The following FGA variants were observed in gnomAD, a reference collection of about 807,000 sequenced individuals.
FGA encodes fibrinogen, A alpha polypeptide.
In FGA, 20 loss-of-function variants were observed where a neutral mutation model predicts 20.3. The ratio of observed to expected loss-of-function variants is 0.99; its 90% confidence interval spans 0.69 to 1.43. FGA has a LOEUF of 1.43. Among genes scored for constraint, FGA ranks in the 40% most tolerant of loss-of-function variants. The pLI is 0.00. For synonymous variants in FGA, 306 were observed against 281.6 expected (o/e 1.09, Z -0.87); for missense variants, 777 against 784.7 (o/e 0.99, Z 0.12).
intron 4 of FGA, among the ~76,000 whole-genome samples, chr4:154,587,255 G>A (rs760281861): frequency 6.6e-6 from 1 of 152,194 alleles, no homozygotes; most frequent in East Asian, 1.9e-4. Flanking sequence ...GTGTGGTGAT[G>A]TAATGGGCTT....
chr4:154,584,809 T>G, downstream of FGA: 1 of 1,613,716 alleles, frequency 6.2e-7, no homozygotes, highest in Non-Finnish European at 8.5e-7. Flanking sequence ...ACCTGAAGGA[T>G]GTGTTTGGAG....
At chr4:154,587,763 G>GAAAGAAAA in intron 3 of FGA, 106 bp from the exon 4 acceptor site, 1 of 608,568 alleles carries the variant, frequency 1.6e-6, no homozygotes, top group Admixed American at 3.0e-5. Flanking sequence ...AAGAAAGAAA[G>GAAAGAAAA]AAAGAAAGAA....
intron 1 of FGA, 65 bp from the exon 2 acceptor site, chr4:154,589,627 T>C: frequency 6.3e-7 from 1 of 1,577,200 alleles, no homozygotes; most frequent in Non-Finnish European, 8.6e-7. Flanking sequence ...GAGGAGACAG[T>C]GGCATGCCTA....
At chr4:154,584,090 G>GAAGACAGAGTGCTCCCATTCCCACTTCT, downstream of FGA, 2 of 1,485,050 alleles carry the variant, frequency 1.3e-6, no homozygotes, top group Non-Finnish European at 1.8e-6. Context: ...CTCTAGCAAA[G>GAAGACAGAGTGCTCCCATTCCCACTTCT]AAGACAGAGT....
At chr4:154,584,101 G>GCTCCCATTCCCACTTCGAAGACAGAGTA, downstream of FGA, 1 of 1,557,560 alleles carries the variant, frequency 6.4e-7, no homozygotes. Context: ...AAGACAGAGT[G>GCTCCCATTCCCACTTCGAAGACAGAGTA]CTCCCATTCC....
intron 1 of FGA, among the ~76,000 whole-genome samples, 167 bp downstream of exon 1, chr4:154,590,467 C>T (rs531255226): frequency 6.6e-6 from 1 of 152,282 alleles, no homozygotes; most frequent in South Asian, 2.1e-4. Flanking sequence ...TGTCATATTA[C>T]CCTGTATTCT....
chr4:154,585,514 T>C lies in FGA; in HGVS notation c.1915A>G (p.Lys639Glu), dbSNP rs1424019951. 6.2e-6 allele frequency: 10 copies of C among 1,607,806 alleles called. No homozygotes were observed. Among genetic ancestry groups the C allele is most frequent in the African/African-American group, 5.4e-5 (4 of 74,752 alleles). Reference sequence around the variant, plus strand: ...TTAGTCTAGGGGGACAGGGAAGGCTTCCCCAAAGGAGAAGTGTGGATACCT... The same window carrying C: ...TTAGTCTAGGGGGACAGGGAAGGCTCCCCCAAAGGAGAAGTGTGGATACCT... ...VRGIHTSPLG[K>E]PSLSP Residue 639 changes from lysine (K) to glutamate (E), a missense_variant, in exon 5 of 5, where the codon AAG (lysine) becomes GAG (glutamate). Lys to Glu is a moderately conservative substitution (Grantham distance 56). Coordinates refer to ENST00000403106, the MANE Select transcript of FGA (RefSeq NM_021871.4).
At position 154,587,763 on chromosome 4, in the gene FGA, G is replaced by C. The variant is rs1165407375; in HGVS notation, c.365-106C>G. The C allele has an allele frequency of 3.6e-5, 22 of 608,452 alleles. No individual in the cohort carries two copies. The Admixed American group carries it at 3.7e-4, about 10-fold the overall frequency. The allele number at this position is 608,452 out of a possible 1,614,324, so 37.7% of individuals were successfully genotyped here. A position where few individuals can be genotyped will look rare whatever the true frequency, so the allele number is the denominator to read the frequency against. ...AAGGAAGGAGAAAGAAAGAAAGAAA[G>C]AAAGAAAGAAAGAAAGAAAGAAAGA... On this transcript the variant is annotated intron_variant, in intron 3 of 4. Transcript: ENST00000403106.
At position 154,586,860 on chromosome 4, in the gene FGA, C is replaced by G. The variant is rs560911144; in HGVS notation, c.569G>C (p.Arg190Pro). 7 of 1,613,920 alleles carry G rather than the reference C, an allele frequency of 4.3e-6. No homozygotes were observed. Among genetic ancestry groups the G allele is most frequent in the Admixed American group, 1.7e-5 (1 of 59,990 alleles). ...TTCATAGTCCTTCAGATCTACTTCA[C>G]GAGCTAAAGCCCTACTGCATGACCC... is the stretch of plus-strand genomic sequence containing the variant. ...CRGSCSRALA[R>P]EVDLKDYEDQ... The change falls in exon 5 of 5, where the codon CGT (arginine) becomes CCT (proline). Residue 190 changes from arginine (R) to proline (P), a missense_variant. Arg to Pro is a moderately radical substitution (Grantham distance 103, BLOSUM62 -2). Coordinates refer to ENST00000403106, the MANE Select transcript of FGA (RefSeq NM_021871.4).
intron 1 of FGA, 54 bp from the exon 2 acceptor site, chr4:154,589,616 AGAG>A (rs1285376152): frequency 1.3e-6 from 2 of 1,599,264 alleles, no homozygotes; most frequent in African/African-American, 2.7e-5. Flanking sequence ...GTTAGCCAGA[AGAG>A]GAGACAGTGG....
chr4:154,585,410 T>G lies in FGA; in HGVS notation c.*84A>C. ...CTAGCACAAAAACAGACCAAAAAAG[T>G]GTAGTTTCAATGACGTGTAACAGAG... On this transcript the variant is annotated 3_prime_UTR_variant, in exon 5 of 5. Transcript: ENST00000403106. The G allele has an allele frequency of 8.7e-7, 1 of 1,148,618 alleles. No individual in the cohort carries two copies. The highest frequency in any genetic ancestry group is 1.3e-6 in the Non-Finnish European group (1 of 792,676). The allele number at this position is 1,148,618 out of a possible 1,614,324, so 71.2% of individuals were successfully genotyped here. A position where few individuals can be genotyped will look rare whatever the true frequency, so the allele number is the denominator to read the frequency against.
chr4:154,590,347 T>C (rs1345158186), intron 1 of FGA, among the ~76,000 whole-genome samples: 1 of 152,216 alleles, frequency 6.6e-6, no homozygotes. Flanking sequence ...CAAATAATTC[T>C]TGCCCTTTTT....
chr4:154,584,353 T>G (rs1479874554), downstream of FGA: 2 of 1,614,158 alleles, frequency 1.2e-6, no homozygotes, highest in South Asian at 2.2e-5. Flanking sequence ...CTGGTCTGCA[T>G]CCCTGTCAAA....
At position 154,585,366 on chromosome 4, in the gene FGA, C is replaced by G; in HGVS notation, c.*128G>C. 9.5e-7 allele frequency: 1 copy of G among 1,052,236 alleles called. No homozygotes were observed. 65.2% of individuals were successfully genotyped at this position (1,052,236 alleles called of 1,614,324 possible). The stretch of plus-strand genomic sequence containing the variant: ...AGAGATGAGACAGACAAAGGCCCTG[C>G]CCCCAAGGAACTTACAGTCTAGCAC... On this transcript the variant is annotated 3_prime_UTR_variant, in exon 5 of 5. Coordinates refer to ENST00000403106, the MANE Select transcript of FGA (RefSeq NM_021871.4).
chr4:154,586,752 A>G lies in FGA; in HGVS notation c.677T>C (p.Met226Thr). The change falls in exon 5 of 5, where the codon ATG (methionine) becomes ACG (threonine). Residue 226 changes from methionine to threonine, a missense_variant. Transcript: ENST00000403106. The part of the protein sequence containing the change: ...RDRQHLPLIK[M>T]KPVPDLVPGN... ...GGGAACCAAGTCTGGAACTGGTTTC[A>G]TTTTTATCAGTGGTAAGTGTTGCCT... is the stretch of plus-strand genomic sequence containing the variant. 1 of 1,614,148 alleles carries G rather than the reference A, an allele frequency of 6.2e-7. No individual in the cohort carries two copies. Among genetic ancestry groups the G allele is most frequent in the Non-Finnish European group, 8.5e-7 (1 of 1,180,026 alleles).
downstream of FGA, chr4:154,584,394 G>A (rs753431992): frequency 9.3e-6 from 15 of 1,614,150 alleles, no homozygotes; most frequent in Non-Finnish European, 1.2e-5. Flanking sequence ...TGTGAGAGGT[G>A]TACTCTGCCC....
intron 3 of FGA, among the ~76,000 whole-genome samples, chr4:154,588,207 T>C (rs1471676955): frequency 2.0e-5 from 3 of 152,204 alleles, no homozygotes; most frequent in African/African-American, 7.2e-5. Flanking sequence ...TCACTGATTT[T>C]AAATGTCAAG....
chr4:154,588,641 C>T (rs1329865946), intron 3 of FGA, 152 bp downstream of exon 3: 5 of 642,184 alleles, frequency 7.8e-6, no homozygotes, highest in African/African-American at 1.8e-5. Flanking sequence ...CAAAAGCTCC[C>T]TCTTAAAATT....
At chr4:154,584,250 G>A, downstream of FGA, 3 of 1,614,058 alleles carry the variant, frequency 1.9e-6, no homozygotes, top group Non-Finnish European at 2.5e-6. Context: ...GGTCATAGGA[G>A]CCCCCAGGGT....
Sources: gnomAD v4.1 joint callset for allele counts (sites outside exome capture counted in the v4.1 genomes callset) on GRCh38, gnomAD v4.1.1 for gene constraint, MANE v1.5 for transcripts, NCBI Gene and HGNC (gene_info 2026-07-23, HGNC 2026-07-21) for gene names.